The following FAM13A variants were observed in gnomAD, a reference collection of about 807,000 sequenced individuals.
FAM13A encodes family with sequence similarity 13 member A.
A neutral mutation model predicts 129.6 loss-of-function variants in FAM13A; 76 were observed. The observed-to-expected ratio is 0.59, with a 90% CI of 0.49 to 0.71. The LOEUF is 0.71. Among genes scored for constraint, FAM13A ranks in the 30% least tolerant of loss-of-function variants. The pLI is 0.00. For missense variants in FAM13A, 1,108 were observed against 1,249.3 expected (o/e 0.89, Z 1.70); for synonymous variants, 443 against 449.9 (o/e 0.98, Z 0.20).
intron 4 of FAM13A, among the ~76,000 whole-genome samples, chr4:88,945,890 T>C (rs539765374): frequency 7.5e-6 from 1 of 132,914 alleles, no homozygotes; most frequent in East Asian, 2.0e-4. Flanking sequence ...CTATGTATTC[T>C]ATGTGTGTAT....
At chr4:88,879,067 C>A (rs1286305246) in intron 6 of FAM13A, among the ~76,000 whole-genome samples, 2 of 152,144 alleles carry the variant, frequency 1.3e-5, no homozygotes, top group Non-Finnish European at 2.9e-5. Flanking sequence ...AAGTTGTGTG[C>A]AATCAGACAC....
At chr4:89,038,666 T>TA (rs898467163) in intron 1 of FAM13A, among the ~76,000 whole-genome samples, 1 of 152,158 alleles carries the variant, frequency 6.6e-6, no homozygotes, top group Non-Finnish European at 1.5e-5. Flanking sequence ...CATAGTGTAT[T>TA]AAAAATCTCT....
chr4:88,826,964 C>T (rs750193663), intron 7 of FAM13A, among the ~76,000 whole-genome samples: 23 of 152,278 alleles, frequency 1.5e-4, no homozygotes, highest in Non-Finnish European at 2.6e-4. Flanking sequence ...CAGTCCTACC[C>T]TCTGGTGCTG....
chr4:89,033,463 C>G (rs1470796587), intron 1 of FAM13A, among the ~76,000 whole-genome samples: 1 of 152,178 alleles, frequency 6.6e-6, no homozygotes, highest in Non-Finnish European at 1.5e-5. Flanking sequence ...GGCAAGCAAG[C>G]TGAGTCCAGG....
At chr4:88,793,245 C>A (rs1030485525) in intron 8 of FAM13A, among the ~76,000 whole-genome samples, 1 of 151,874 alleles carries the variant, frequency 6.6e-6, no homozygotes, top group African/African-American at 2.4e-5. Context: ...TCATGTTAAC[C>A]TCAGTGAATA....
intron 6 of FAM13A, among the ~76,000 whole-genome samples, chr4:88,870,504 G>T (rs1278407162): frequency 2.0e-5 from 3 of 152,212 alleles, no homozygotes; most frequent in Non-Finnish European, 4.4e-5. Flanking sequence ...CTTGGGGGGG[G>T]TCCCGCGCCC....
At position 88,748,979 on chromosome 4, in the gene FAM13A, G is replaced by A. The variant is rs371809149; in HGVS notation, c.2134C>T (p.Leu712Phe). The A allele has an allele frequency of 6.4e-5, 103 of 1,613,832 alleles. No individual in the cohort carries two copies. The highest frequency in any genetic ancestry group is 8.1e-5 in the Non-Finnish European group (95 of 1,179,830). Residue 712 changes from leucine (L) to phenylalanine (F), a missense_variant, in exon 17 of 24, where the codon CTT (leucine) becomes TTT (phenylalanine). Transcript: ENST00000264344. ...TTAAGTTGTCTCCGGAATTTGGCAA[G>A]GTCATTTGTCCATTTCAGAACCTCC... ...NPEVLKWTND[L>F]AKFRRQLKES... is the part of the protein sequence containing the mutation.
chr4:88,738,960 C>G, intron 20 of FAM13A, 70 bp downstream of exon 20: 214 of 913,712 alleles, frequency 2.3e-4, no homozygotes, highest in Non-Finnish European at 3.6e-4. Flanking sequence ...GGTTAGGGCC[C>G]TATTCATATA....
chr4:88,945,990 GTATATATATATATA>G (rs199936059), intron 4 of FAM13A, among the ~76,000 whole-genome samples: 18 of 61,960 alleles, frequency 2.9e-4, no homozygotes, highest in South Asian at 6.1e-4. Context: ...GTGTGTGTGT[GTATATATATATATA>G]TATATATATA....
intron 7 of FAM13A, among the ~76,000 whole-genome samples, chr4:88,843,254 G>C (rs72872152): frequency 6.6e-6 from 1 of 152,246 alleles, no homozygotes; most frequent in Middle Eastern, 3.4e-3. Context: ...ATGCTGAAGC[G>C]CACGCTGTGC....
intron 21 of FAM13A, among the ~76,000 whole-genome samples, chr4:88,733,705 A>G (rs895593296): frequency 6.6e-6 from 1 of 152,226 alleles, no homozygotes; most frequent in Admixed American, 6.5e-5. Flanking sequence ...AGCTTGGCCA[A>G]TGCTTGCATA....
chr4:89,050,488 G>A (rs980196875), intron 1 of FAM13A, among the ~76,000 whole-genome samples: 9 of 152,076 alleles, frequency 5.9e-5, no homozygotes, highest in Admixed American at 5.2e-4. Flanking sequence ...TTACAGGTGT[G>A]AGCCACTGTG....
intron 1 of FAM13A, among the ~76,000 whole-genome samples, chr4:89,048,954 T>C (rs1308932087): frequency 6.6e-6 from 1 of 152,186 alleles, no homozygotes; most frequent in Non-Finnish European, 1.5e-5. Flanking sequence ...ACAAAGAAGA[T>C]TTAAACAGAA....
chr4:88,874,370 T>C (rs1741994236), intron 6 of FAM13A, among the ~76,000 whole-genome samples: 1 of 152,216 alleles, frequency 6.6e-6, no homozygotes. Context: ...GCAGATGACA[T>C]GATTGTATAT....
intron 7 of FAM13A, among the ~76,000 whole-genome samples, chr4:88,824,954 C>T (rs1211836035): frequency 3.9e-5 from 6 of 151,924 alleles, no homozygotes; most frequent in African/African-American, 1.4e-4. Flanking sequence ...GTGATCCGCC[C>T]ACCTCGGCCT....
intron 6 of FAM13A, among the ~76,000 whole-genome samples, chr4:88,851,903 A>C (rs1202039937): frequency 6.6e-6 from 1 of 152,256 alleles, no homozygotes; most frequent in Non-Finnish European, 1.5e-5. Context: ...AATGAATATG[A>C]ATACAATCAA....
At chr4:89,051,005 C>G (rs1013899976) in intron 1 of FAM13A, among the ~76,000 whole-genome samples, 2 of 152,012 alleles carry the variant, frequency 1.3e-5, no homozygotes, top group Non-Finnish European at 2.9e-5. Flanking sequence ...GTTGTACTAC[C>G]TAAGAAAATT....
At chr4:88,986,458 G>C (rs1259316604) in intron 4 of FAM13A, among the ~76,000 whole-genome samples, 1 of 152,170 alleles carries the variant, frequency 6.6e-6, no homozygotes, top group Non-Finnish European at 1.5e-5. Flanking sequence ...AGCCACGTAA[G>C]TGTTATAAAA....
chr4:88,769,933 C>A (rs1358358430), intron 11 of FAM13A, among the ~76,000 whole-genome samples: 2 of 151,904 alleles, frequency 1.3e-5, no homozygotes, highest in Non-Finnish European at 2.9e-5. Context: ...GTTTCTGAAG[C>A]TATAATATCT....
Sources: allele counts gnomAD v4.1 joint callset (sites outside exome capture counted in the v4.1 genomes callset), GRCh38; gene constraint gnomAD v4.1.1; transcripts MANE v1.5; gene names NCBI Gene and HGNC (gene_info 2026-07-23, HGNC 2026-07-21).